GBX2: variants seen among roughly 807,000 people sequenced by gnomAD.
GBX2 encodes gastrulation brain homeobox 2.
GBX2 carries 5 observed loss-of-function variants against 22.4 expected under a neutral mutation model. The ratio of observed to expected loss-of-function variants is 0.22; its 90% CI spans 0.12 to 0.47. GBX2 has a LOEUF of 0.47. Ranked by LOEUF, GBX2 falls within the 20% of genes least tolerant of loss-of-function variation. The pLI is 0.99. For synonymous variants in GBX2, 220 were observed against 230.5 expected (o/e 0.95, Z 0.41); for missense variants, 470 against 495.4 (o/e 0.95, Z 0.49).
chr2:236,167,182 A>G, intron 1 of GBX2: 1 of 1,535,520 alleles, frequency 6.5e-7, no homozygotes. Flanking sequence ...GGCCTCGGCC[A>G]AACGCATCGT....
downstream of GBX2, among the ~76,000 whole-genome samples, chr2:236,163,461 G>C (rs543178490): frequency 1.3e-5 from 2 of 152,238 alleles, no homozygotes; most frequent in African/African-American, 2.4e-5. Context: ...TTTCCCGCCG[G>C]GTTTGTGCGG....
rs757696070 is a variant in GBX2, at chr2:236,166,290, G to T, written c.671C>A (p.Pro224Gln). 1.4e-5 allele frequency: 23 copies of T among 1,613,818 alleles called. No homozygotes were observed. The South Asian group carries it at 2.3e-4, about 16-fold the overall frequency. ...TGQAAHKEED[P>Q]GHALEETPPS... ...CGGGGTCTCCTCCAGCGCGTGGCCC[G>T]GGTCTTCCTCCTTGTGAGCTGCCTG... The change falls in exon 2 of 2, where the codon CCG becomes CAG. Residue 224 changes from proline (P) to glutamine (Q), a missense_variant. By Grantham distance (76) the Pro-to-Gln change is moderately conservative. Transcript: ENST00000306318. This position sits in a 1 kb window ranked among gnomAD's most constrained non-coding sequence, Gnocchi z 6.6.
At chr2:236,163,917 G>A (rs979375409), downstream of GBX2, among the ~76,000 whole-genome samples, 1 of 152,106 alleles carries the variant, frequency 6.6e-6, no homozygotes, top group Admixed American at 6.5e-5. Context: ...GCGGGGCGCG[G>A]CCAGGAGCCT....
Position 236,165,586 on chromosome 2 carries a change from T to G in GBX2, c.*328A>C. On this transcript the variant is annotated 3_prime_UTR_variant, in exon 2 of 2. Coordinates refer to ENST00000306318, the MANE Select transcript of GBX2 (RefSeq NM_001485.4). ...CTAACCGCGCAGATTACAGCAGAGG[T>G]TTTGTTTTCTTCTGGAATGAGTGGA... is the stretch of plus-strand genomic sequence containing the variant. 2 of 230,124 alleles carry G rather than the reference T, an allele frequency of 8.7e-6. No individual in the cohort carries two copies. Among genetic ancestry groups the G allele is most frequent in the East Asian group, 8.9e-5 (1 of 11,258 alleles). 14.3% of individuals were successfully genotyped at this position (230,124 alleles called of 1,614,324 possible).
downstream of GBX2, among the ~76,000 whole-genome samples, chr2:236,162,580 G>T (rs1022527488): frequency 5.3e-5 from 8 of 152,212 alleles, no homozygotes; most frequent in South Asian, 1.7e-3. Flanking sequence ...GGGCAGGGGT[G>T]CCTGGCTTGC....
rs746318204 is a variant in GBX2, at chr2:236,166,295, T to G, written c.666A>C (p.Glu222Asp). The G allele has an allele frequency of 6.2e-7, 1 of 1,613,770 alleles. No homozygotes were observed. The highest frequency in any genetic ancestry group is 8.5e-7 in the Non-Finnish European group (1 of 1,180,006). Residue 222 changes from glutamate to aspartate, a missense_variant, in exon 2 of 2, where the codon GAA becomes GAC. By Grantham distance (45) the Glu-to-Asp change is conservative (BLOSUM62 2). Coordinates refer to ENST00000306318, the MANE Select transcript of GBX2 (RefSeq NM_001485.4). The surrounding 1 kb of genome is among the most constrained non-coding windows in gnomAD (Gnocchi z 6.6). ...TCTCCTCCAGCGCGTGGCCCGGGTC[T>G]TCCTCCTTGTGAGCTGCCTGGCCAG... ...NLTGQAAHKEEDPGHALEETP... is the reference protein window; with the variant it reads ...NLTGQAAHKEDDPGHALEETP...
downstream of GBX2, among the ~76,000 whole-genome samples, chr2:236,164,513 G>A (rs377627224): frequency 6.6e-6 from 1 of 152,144 alleles, no homozygotes; most frequent in African/African-American, 2.4e-5. Context: ...ACCGAGATGG[G>A]GAGGCGCGCA....
rs779554048 is a variant in GBX2 at position 236,166,136 on chromosome 2, G to C, written c.825C>G (p.Thr275=). 1.2e-6 allele frequency: 2 copies of C among 1,614,202 alleles called. No individual in the cohort carries two copies. The highest frequency in any genetic ancestry group is 1.1e-5 in the South Asian group (1 of 91,088). Reference sequence around the variant, plus strand: ...GGGCGTGGGCGATCTGCGAGCGCTCGGTCAAGGAGAGGTACTTTTTGCAGT... The same window carrying C: ...GGGCGTGGGCGATCTGCGAGCGCTCCGTCAAGGAGAGGTACTTTTTGCAGT... ...EFHCKKYLSL[T]ERSQIAHALK... Residue 275 remains threonine, a synonymous_variant, in exon 2 of 2, where the codon ACC becomes ACG. Coordinates refer to ENST00000306318, the MANE Select transcript of GBX2 (RefSeq NM_001485.4). The surrounding 1 kb of genome is among the most constrained non-coding windows in gnomAD (Gnocchi z 6.6).
At position 236,166,512 on chromosome 2, in the gene GBX2, G is replaced by C; in HGVS notation, c.524-75C>G. The C allele has an allele frequency of 7.4e-7, 1 of 1,346,816 alleles. No individual in the cohort carries two copies. Among genetic ancestry groups the C allele is most frequent in the Non-Finnish European group, 1.0e-6 (1 of 966,690 alleles). The allele number at this position is 1,346,816 out of a possible 1,614,324, so 83.4% of individuals were successfully genotyped here. On this transcript the variant is annotated intron_variant, in intron 1 of 1. Coordinates refer to ENST00000306318, the MANE Select transcript of GBX2 (RefSeq NM_001485.4). The surrounding 1 kb of genome is among the most constrained non-coding windows in gnomAD (Gnocchi z 6.6). ...CCTTTCTCCTTCCCACCGTCATTTGGACATTCCGCGCCCCCCGCCCCCCAC... is the reference window on the plus strand; with the variant it reads ...CCTTTCTCCTTCCCACCGTCATTTGCACATTCCGCGCCCCCCGCCCCCCAC...
Position 236,166,374 on chromosome 2 carries a change from T to G in GBX2, c.587A>C (p.Glu196Ala), listed in dbSNP as rs753318838. Residue 196 changes from glutamate (E) to alanine (A), a missense_variant, in exon 2 of 2, where the codon GAG becomes GCG. Physicochemically the swap from Glu to Ala is moderately radical, Grantham distance 107. Around this residue, in one of 4 missense-constraint regions of GBX2, gnomAD observed 377 missense variants for 358.6 expected, o/e 1.05. Transcript: ENST00000306318. The surrounding 1 kb of genome is among the most constrained non-coding windows in gnomAD (Gnocchi z 6.6). ...ATCGCTCTCCAGCGAGAAGCTCTCC[T>G]CCTTGCCCTTCGGGTCGTCTTCCAC... ...SKVEDDPKGK[E>A]ESFSLESDVD... 2 of 1,614,010 alleles carry G rather than the reference T, an allele frequency of 1.2e-6. No individual in the cohort carries two copies. The highest frequency in any genetic ancestry group is 1.7e-6 in the Non-Finnish European group (2 of 1,180,010).
chr2:236,165,766 C>G lies in GBX2; in HGVS notation c.*148G>C, dbSNP rs1576381655. ...CCCCTTCAAAAGCAGTCTTTTAAGC[C>G]CATTTAGTGAATATATTCTCAATTT... On this transcript the variant is annotated 3_prime_UTR_variant, in exon 2 of 2. Coordinates refer to ENST00000306318, the MANE Select transcript of GBX2 (RefSeq NM_001485.4). 1 of 649,604 alleles carries G rather than the reference C, an allele frequency of 1.5e-6. No homozygotes were observed. The allele number at this position is 649,604 out of a possible 1,614,324, so 40.2% of individuals were successfully genotyped here.
chr2:236,163,866 C>A (rs1203526738), downstream of GBX2, among the ~76,000 whole-genome samples: 3 of 152,146 alleles, frequency 2.0e-5, no homozygotes, highest in Non-Finnish European at 2.9e-5. Flanking sequence ...CAGGGCGCGA[C>A]CCGGGCGCCA....
At position 236,168,285 on chromosome 2, in the gene GBX2, T is replaced by A; in HGVS notation, c.-314A>T. 6.8e-6 allele frequency: 1 copy of A among 146,136 alleles called. No individual in the cohort carries two copies. Among genetic ancestry groups the A allele is most frequent in the Non-Finnish European group, 1.2e-5 (1 of 80,542 alleles). The allele number at this position is 146,136 out of a possible 1,614,324, so 9.1% of individuals were successfully genotyped here. Reference sequence around the variant, plus strand: ...GGTTTGGCCCTCGGCCCCGGTAAGCTGCCGTCCGTCCGTCCGTCCCGCCGT... The same window carrying A: ...GGTTTGGCCCTCGGCCCCGGTAAGCAGCCGTCCGTCCGTCCGTCCCGCCGT... On this transcript the variant is annotated 5_prime_UTR_variant, in exon 1 of 2. Coordinates refer to ENST00000306318, the MANE Select transcript of GBX2 (RefSeq NM_001485.4).
At position 236,166,503 on chromosome 2, in the gene GBX2, C is replaced by T. The variant is rs181687159; in HGVS notation, c.524-66G>A. Reference sequence around the variant, plus strand: ...ACTGGCCTTCCTTTCTCCTTCCCACCGTCATTTGGACATTCCGCGCCCCCC... The same window carrying T: ...ACTGGCCTTCCTTTCTCCTTCCCACTGTCATTTGGACATTCCGCGCCCCCC... On this transcript the variant is annotated intron_variant, in intron 1 of 1. Coordinates refer to ENST00000306318, the MANE Select transcript of GBX2 (RefSeq NM_001485.4). This position sits in a 1 kb window ranked among gnomAD's most constrained non-coding sequence, Gnocchi z 6.6. The T allele has an allele frequency of 2.1e-6, 3 of 1,454,898 alleles. No homozygotes were observed. Among genetic ancestry groups the T allele is most frequent in the East Asian group, 4.6e-5 (2 of 43,850 alleles). 90.1% of individuals were successfully genotyped at this position (1,454,898 alleles called of 1,614,324 possible).
chr2:236,167,563 T>TA lies in GBX2; in HGVS notation c.408dup (p.Asn137Ter). ...TGCAGCGCCTCCGCCTTGTCGAAGTTACCGCCGCCGGGCAGCGGCTGCGGC... is the reference window on the plus strand; with the variant it reads ...TGCAGCGCCTCCGCCTTGTCGAAGTTAACCGCCGCCGGGCAGCGGCTGCGGC... On this transcript the variant is annotated frameshift_variant, in exon 1 of 2. Transcript: ENST00000306318. LOFTEE classifies it high-confidence loss of function. 6.3e-7 allele frequency: 1 copy of TA among 1,598,146 alleles called. No individual in the cohort carries two copies. The highest frequency in any genetic ancestry group is 8.5e-7 in the Non-Finnish European group (1 of 1,174,914).
intron 1 of GBX2, 143 bp downstream of exon 1, chr2:236,167,306 G>C: frequency 7.2e-7 from 1 of 1,390,768 alleles, no homozygotes; most frequent in South Asian, 1.3e-5. Context: ...CAGCGGCACA[G>C]CCGGGCCTCA....
Position 236,165,930 on chromosome 2 carries a change from T to G in GBX2, c.1031A>C (p.Glu344Ala), listed in dbSNP as rs2060236313. The change falls in exon 2 of 2, where the codon GAA (glutamate) becomes GCA (alanine). Residue 344 changes from glutamate to alanine, a missense_variant. By Grantham distance (107) the Glu-to-Ala change is moderately radical. Around this residue, in one of 4 missense-constraint regions of GBX2, gnomAD observed 50 missense variants for 59.1 expected, o/e 0.85. Coordinates refer to ENST00000306318, the MANE Select transcript of GBX2 (RefSeq NM_001485.4). Reference protein sequence around the residue: ...FAIRSQHQQLEQARP With the variant: ...FAIRSQHQQLAQARP ...TCTGGACCCTCAGGGCCGGGCCTGT[T>G]CTAGCTGCTGATGCTGACTTCTGAT... 2 of 1,613,792 alleles carry G rather than the reference T, an allele frequency of 1.2e-6. No individual in the cohort carries two copies. The highest frequency in any genetic ancestry group is 3.3e-5 in the Admixed American group (2 of 60,006).
chr2:236,161,591 T>C (rs1291327463), downstream of GBX2, among the ~76,000 whole-genome samples: 2 of 152,188 alleles, frequency 1.3e-5, no homozygotes, highest in African/African-American at 4.8e-5. Context: ...CCTGCTACCC[T>C]GGAACTGGGC....
downstream of GBX2, among the ~76,000 whole-genome samples, chr2:236,161,445 C>G (rs1198927273): frequency 1.3e-5 from 2 of 152,238 alleles, no homozygotes; most frequent in African/African-American, 4.8e-5. Context: ...GTGTGATTTG[C>G]ATTCATGTTT....
Sources: gnomAD v4.1 joint callset for allele counts (sites outside exome capture counted in the v4.1 genomes callset) on GRCh38, gnomAD v4.1.1 for gene constraint, gnomAD v4.1.1 regional missense constraint, Gnocchi (gnomAD v3.1) non-coding constraint, MANE v1.5 for transcripts, NCBI Gene and HGNC (gene_info 2026-07-23, HGNC 2026-07-21) for gene names.